The following ZNF140 variants were observed in gnomAD, a reference collection of about 807,000 sequenced individuals.
ZNF140 encodes zinc finger protein 140 (clone pHZ-39).
In ZNF140, 13 loss-of-function variants were observed where a neutral mutation model predicts 12.9. That is an observed-to-expected ratio of 1.01 (90% CI 0.66 to 1.60). The LOEUF is 1.60. Ranked by LOEUF, ZNF140 falls within the 40% of genes most tolerant of loss-of-function variation. The probability of loss-of-function intolerance (pLI) is 0.00; values close to 1 mark genes in which losing one functional copy is unlikely to be tolerated. For missense variants in ZNF140, 531 were observed against 548.8 expected, an observed-to-expected ratio of 0.97 and a Z score of 0.32; for synonymous variants, 214 against 186.7, an observed-to-expected ratio of 1.15 and a Z score of -1.19.
At chr12:133,083,638 A>G in intron 4 of ZNF140, 77 bp downstream of exon 4, 1 of 1,387,964 alleles carries the variant, frequency 7.2e-7, no homozygotes, top group Non-Finnish European at 1.0e-6. Context: ...ACTTTTTAAT[A>G]TGTTGATTGG....
intron 4 of ZNF140, among the ~76,000 whole-genome samples, chr12:133,095,748 T>A (rs369254905): frequency 2.7e-4 from 41 of 150,762 alleles, no homozygotes; most frequent in African/African-American, 5.4e-4. Flanking sequence ...AAAGAATCTA[T>A]GTCATAATTA....
chr12:133,097,372 G>A (rs919028615), intron 4 of ZNF140, among the ~76,000 whole-genome samples: 1 of 152,086 alleles, frequency 6.6e-6, no homozygotes, highest in African/African-American at 2.4e-5. Flanking sequence ...GGCTGGGTGT[G>A]GTGGCTCACG....
At chr12:133,098,988 G>A (rs1421858318) in intron 4 of ZNF140, among the ~76,000 whole-genome samples, 1 of 151,478 alleles carries the variant, frequency 6.6e-6, no homozygotes, top group Non-Finnish European at 1.5e-5. Flanking sequence ...CGATTCTTCT[G>A]CCTCAGCCTC....
At chr12:133,081,126 TG>T (rs1157802940) in intron 1 of ZNF140, 54 bp downstream of exon 1, 1 of 279,782 alleles carries the variant, frequency 3.6e-6, no homozygotes, top group Non-Finnish European at 7.3e-6. Context: ...CCGGCGCCAG[TG>T]GTCCAAGCGC....
chr12:133,100,315 A>G (rs1955300524), intron 4 of ZNF140, among the ~76,000 whole-genome samples: 1 of 151,820 alleles, frequency 6.6e-6, no homozygotes, highest in African/African-American at 2.4e-5. Flanking sequence ...CCACAGGTGC[A>G]TACCACCACA....
chr12:133,097,959 A>G (rs997640281), intron 4 of ZNF140, among the ~76,000 whole-genome samples: 1 of 151,440 alleles, frequency 6.6e-6, no homozygotes, highest in Non-Finnish European at 1.5e-5. Context: ...TCAGCCTCCT[A>G]TGTAGCTGAG....
At chr12:133,084,255 G>A in intron 4 of ZNF140, 1 of 374,884 alleles carries the variant, frequency 2.7e-6, no homozygotes, top group Non-Finnish European at 5.1e-6. Flanking sequence ...AAAATTAAAA[G>A]TACATATTTT....
At chr12:133,105,394 G>A in intron 4 of ZNF140, 116 bp from the exon 5 acceptor site, 5 of 1,066,344 alleles carry the variant, frequency 4.7e-6, no homozygotes, top group Non-Finnish European at 5.3e-6. Flanking sequence ...AGCTGTGAAA[G>A]CTGCTATTGA....
chr12:133,103,022 TTTC>T (rs542872722), intron 4 of ZNF140, among the ~76,000 whole-genome samples: 205 of 152,096 alleles, frequency 1.3e-3, no homozygotes, highest in South Asian at 5.8e-3. Context: ...AACCCCATTT[TTTC>T]TTCTTTTTAA....
chr12:133,097,926 T>G (rs1593787667), intron 4 of ZNF140, among the ~76,000 whole-genome samples: 1 of 151,638 alleles, frequency 6.6e-6, no homozygotes. Flanking sequence ...GACCTCCCCC[T>G]CCTGGGTTCA....
At chr12:133,094,551 T>C (rs1454508645) in intron 4 of ZNF140, among the ~76,000 whole-genome samples, 1 of 151,082 alleles carries the variant, frequency 6.6e-6, no homozygotes. Flanking sequence ...CACAGGAGAA[T>C]TCTAAAGAGA....
At chr12:133,082,194 C>T (rs1954525832) in intron 2 of ZNF140, 1 of 152,176 alleles carries the variant, frequency 6.6e-6, no homozygotes, top group Non-Finnish European at 1.5e-5. Flanking sequence ...CTTCTTTATC[C>T]TACTTTTTGT....
chr12:133,093,420 T>C lies in ZNF140; in HGVS notation c.232+9859T>C, dbSNP rs747298922. 5.1e-5 allele frequency: 36 copies of C among 699,152 alleles called. No homozygotes were observed. In the South Asian group the frequency reaches 5.4e-4, roughly 10 times the overall value. The allele number at this position is 699,152 out of a possible 1,614,324, so 43.3% of individuals were successfully genotyped here. On this transcript the variant is annotated intron_variant, in intron 4 of 4. Coordinates refer to ENST00000355557, the MANE Select transcript of ZNF140 (RefSeq NM_003440.4). ...GTTACTCTTGTGTTTTCCAGGCTTTTTTTCAGCTAACTGTGTCAGCTTCTT... is the reference window on the plus strand; with the variant it reads ...GTTACTCTTGTGTTTTCCAGGCTTTCTTTCAGCTAACTGTGTCAGCTTCTT...
intron 4 of ZNF140, among the ~76,000 whole-genome samples, chr12:133,086,300 A>G (rs1207999571): frequency 2.6e-5 from 4 of 152,170 alleles, no homozygotes; most frequent in African/African-American, 9.7e-5. Flanking sequence ...CCCTTGACTG[A>G]CTTATACTCC....
chr12:133,106,842 C>T lies in ZNF140; in HGVS notation c.*191C>T, dbSNP rs1955618429. The T allele has an allele frequency of 4.3e-6, 2 of 461,638 alleles. No homozygotes were observed. The highest frequency in any genetic ancestry group is 4.8e-5 in the South Asian group (1 of 20,828). 28.6% of individuals were successfully genotyped at this position (461,638 alleles called of 1,614,324 possible). A position where few individuals can be genotyped will look rare whatever the true frequency, so the allele number is the denominator to read the frequency against. On this transcript the variant is annotated 3_prime_UTR_variant, in exon 5 of 5. Transcript: ENST00000355557. ...TATGTGGAAAAGCCATTAATAACCACTCTTTTATTTTTTTGCAATAACAAG... is the reference window on the plus strand; with the variant it reads ...TATGTGGAAAAGCCATTAATAACCATTCTTTTATTTTTTTGCAATAACAAG...
At chr12:133,082,317 T>TAA (rs1241395452) in intron 2 of ZNF140, 1 of 152,254 alleles carries the variant, frequency 6.6e-6, no homozygotes, top group Non-Finnish European at 1.5e-5. Flanking sequence ...TCAACAGTCT[T>TAA]TAATCACTTT....
In ZNF140 at chr12:133,100,017, C is replaced by T. The variant is rs1593793550; in HGVS notation, c.233-5493C>T. On this transcript the variant is annotated intron_variant, in intron 4 of 4. Transcript: ENST00000355557. ...TTGGTTTCTGAGAAGATCTGATGTA[C>T]GGTAATCCTCCCCTATCTTCAGGGG... Among the ~76,000 whole-genome samples, 6 of 151,634 alleles carry T rather than the reference C, an allele frequency of 4.0e-5. No individual in the cohort carries two copies. In the South Asian group the frequency reaches 1.0e-3, roughly 26 times the overall value.
chr12:133,093,616 A>T, intron 4 of ZNF140: 1 of 621,160 alleles, frequency 1.6e-6, no homozygotes. Context: ...TTGTCTTTCC[A>T]CCAAATTAGT....
At chr12:133,099,580 T>G (rs1437519408) in intron 4 of ZNF140, among the ~76,000 whole-genome samples, 1 of 152,194 alleles carries the variant, frequency 6.6e-6, no homozygotes. Context: ...CTCAGTACTT[T>G]GGGAGGCTTG....
Sources: gnomAD v4.1 joint callset for allele counts (sites outside exome capture counted in the v4.1 genomes callset) on GRCh38, gnomAD v4.1.1 for gene constraint, MANE v1.5 for transcripts, NCBI Gene and HGNC (gene_info 2026-07-23, HGNC 2026-07-21) for gene names.